Variants in GRM5 observed in about 807,000 individuals in gnomAD.
The protein encoded by GRM5 is metabotropic glutamate receptor 5.
A neutral mutation model predicts 83.1 loss-of-function variants in GRM5; 19 were observed. The observed-to-expected ratio is 0.23, with a 90% confidence interval of 0.16 to 0.34. The LOEUF (loss-of-function observed/expected upper bound fraction) is 0.34. GRM5 is among the 10% of genes least tolerant of loss of function. The probability of loss-of-function intolerance (pLI) is 1.00; values close to 1 mark genes in which losing one functional copy is unlikely to be tolerated. For synonymous variants in GRM5, 675 were observed against 633.6 expected, an observed-to-expected ratio of 1.07 and a Z score of -0.98; for missense variants, 1,160 against 1,588.3, an observed-to-expected ratio of 0.73 and a Z score of 4.58.
intron 2 of GRM5, among the ~76,000 whole-genome samples, chr11:89,041,860 C>T (rs1374530921): frequency 6.6e-6 from 1 of 152,084 alleles, no homozygotes; most frequent in Non-Finnish European, 1.5e-5. Flanking sequence ...CAGTGGTAAC[C>T]AATATAATTA....
At chr11:88,944,699 C>T (rs1938218587) in intron 2 of GRM5, among the ~76,000 whole-genome samples, 2 of 151,858 alleles carry the variant, frequency 1.3e-5, no homozygotes, top group Middle Eastern at 3.4e-3. Flanking sequence ...CACTGAAATT[C>T]ACCAGGATGC....
At chr11:88,600,675 G>C (rs979136659) in intron 5 of GRM5, among the ~76,000 whole-genome samples, 1 of 152,160 alleles carries the variant, frequency 6.6e-6, no homozygotes, top group African/African-American at 2.4e-5. Flanking sequence ...TAAATGGCTA[G>C]AACTCTGAAA....
chr11:89,039,026 A>C (rs1941462424), intron 2 of GRM5, among the ~76,000 whole-genome samples: 1 of 152,064 alleles, frequency 6.6e-6, no homozygotes, highest in African/African-American at 2.4e-5. Context: ...AGCACTTTGG[A>C]AGTCCAAGGC....
chr11:88,734,107 A>G (rs748471757), intron 3 of GRM5, among the ~76,000 whole-genome samples: 1 of 152,054 alleles, frequency 6.6e-6, no homozygotes, highest in Non-Finnish European at 1.5e-5. Flanking sequence ...TATATTTATA[A>G]AATTGCTGTT....
intron 2 of GRM5, among the ~76,000 whole-genome samples, chr11:88,904,704 G>A (rs1382780720): frequency 6.6e-6 from 1 of 151,988 alleles, no homozygotes; most frequent in Non-Finnish European, 1.5e-5. Flanking sequence ...CATCCTATAT[G>A]TGCATGTATT....
intron 2 of GRM5, among the ~76,000 whole-genome samples, chr11:88,904,390 A>T (rs1487101936): frequency 6.6e-6 from 1 of 152,210 alleles, no homozygotes; most frequent in Non-Finnish European, 1.5e-5. Context: ...TTTCAAAGCC[A>T]TAAGTAACCT....
At chr11:88,794,603 G>A (rs1459106898) in intron 3 of GRM5, among the ~76,000 whole-genome samples, 1 of 152,176 alleles carries the variant, frequency 6.6e-6, no homozygotes, top group South Asian at 2.1e-4. Context: ...CATAAAGTAA[G>A]GTGAGTCCAT....
intron 2 of GRM5, among the ~76,000 whole-genome samples, chr11:88,971,396 T>C (rs1479398515): frequency 6.6e-6 from 1 of 152,112 alleles, no homozygotes; most frequent in Non-Finnish European, 1.5e-5. Flanking sequence ...ATGATGAGCA[T>C]AGAAGCTAAT....
intron 4 of GRM5, among the ~76,000 whole-genome samples, chr11:88,626,728 T>C (rs1938807003): frequency 6.6e-6 from 1 of 152,140 alleles, no homozygotes; most frequent in South Asian, 2.1e-4. Context: ...GGGAAGTAAT[T>C]AGGTTTAGAT....
At chr11:88,691,564 C>T (rs549863998) in intron 3 of GRM5, among the ~76,000 whole-genome samples, 421 of 152,202 alleles carry the variant, frequency 2.8e-3, no homozygotes, top group South Asian at 6.2e-3. Context: ...TACTTCTCAC[C>T]TTCTCTTTGC....
intron 4 of GRM5, among the ~76,000 whole-genome samples, chr11:88,610,120 G>A (rs1264902037): frequency 6.6e-6 from 1 of 152,188 alleles, no homozygotes; most frequent in African/African-American, 2.4e-5. Flanking sequence ...GTACCATGCT[G>A]TTTGGGTTGC....
chr11:88,760,315 C>T (rs76511664), intron 3 of GRM5, among the ~76,000 whole-genome samples: 8,083 of 133,228 alleles, frequency 0.061, 398 homozygotes, highest in Admixed American at 0.18. Flanking sequence ...ATAAAATAGA[C>T]TGCTAGCTAG....
At chr11:88,772,404 T>C (rs1942756739) in intron 3 of GRM5, among the ~76,000 whole-genome samples, 1 of 150,596 alleles carries the variant, frequency 6.6e-6, no homozygotes, top group Admixed American at 6.6e-5. Context: ...AATCATGTAC[T>C]TTTTTTATTT....
chr11:88,810,164 G>T (rs1943564807), intron 3 of GRM5, among the ~76,000 whole-genome samples: 1 of 151,944 alleles, frequency 6.6e-6, no homozygotes, highest in African/African-American at 2.4e-5. Flanking sequence ...AAAATGGTTT[G>T]GAAAAACTGC....
rs780597094 is a variant in GRM5, at chr11:88,653,276, C to T, written c.1039G>A (p.Glu347Lys). Residue 347 changes from glutamate (E) to lysine (K), a missense_variant, in exon 4 of 10, where the codon GAA becomes AAA. Coordinates refer to ENST00000305447, the MANE Select transcript of GRM5 (RefSeq NM_001143831.3). ...FDDYYLKLRP[E>K]TNHRNPWFQE... is the part of the protein sequence containing the mutation. ...AACCAAGGGTTTCGGTGGTTTGTTTCTGGCCGGAGCTTCAGATAATAATCA... is the reference window on the plus strand; with the variant it reads ...AACCAAGGGTTTCGGTGGTTTGTTTTTGGCCGGAGCTTCAGATAATAATCA... The T allele has an allele frequency of 6.2e-7, 1 of 1,613,266 alleles. No individual in the cohort carries two copies. Among genetic ancestry groups the T allele is most frequent in the Non-Finnish European group, 8.5e-7 (1 of 1,179,480 alleles).
At chr11:88,666,515 G>C (rs1162823230) in intron 3 of GRM5, among the ~76,000 whole-genome samples, 2 of 152,202 alleles carry the variant, frequency 1.3e-5, no homozygotes, top group African/African-American at 4.8e-5. Context: ...AGCCATTGAT[G>C]AGGGATCTGC....
chr11:88,654,311 A>C (rs900426311), intron 3 of GRM5, among the ~76,000 whole-genome samples: 2 of 152,120 alleles, frequency 1.3e-5, no homozygotes, highest in Non-Finnish European at 2.9e-5. Context: ...TGGAAATAAA[A>C]ATAAAAGGCA....
intron 3 of GRM5, among the ~76,000 whole-genome samples, chr11:88,727,917 G>A (rs1241915447): frequency 6.6e-6 from 1 of 152,126 alleles, no homozygotes; most frequent in African/African-American, 2.4e-5. Flanking sequence ...GCCCACAGGG[G>A]AAAGCAGGAA....
At chr11:89,021,567 T>C (rs1940985020) in intron 2 of GRM5, among the ~76,000 whole-genome samples, 1 of 152,318 alleles carries the variant, frequency 6.6e-6, no homozygotes, top group South Asian at 2.1e-4. Context: ...AGTTTTCAAG[T>C]GCAGGCAGTC....
Sources: gnomAD v4.1 joint callset for allele counts (sites outside exome capture counted in the v4.1 genomes callset) on GRCh38, gnomAD v4.1.1 for gene constraint, MANE v1.5 for transcripts, NCBI Gene and HGNC (gene_info 2026-07-23, HGNC 2026-07-21) for gene names.